The following PCDHGB3 variants were observed in gnomAD, a reference collection of about 807,000 sequenced individuals.
PCDHGB3 encodes the protein protocadherin gamma-B3.
A neutral mutation model predicts 59.2 loss-of-function variants in PCDHGB3; 40 were observed. The ratio of observed to expected loss-of-function variants is 0.68; its 90% CI spans 0.52 to 0.88. The LOEUF is 0.88. Ranked by LOEUF, PCDHGB3 falls within the 40% of genes least tolerant of loss-of-function variation. The pLI is 0.00. For synonymous variants in PCDHGB3, 581 were observed against 503.6 expected, an observed-to-expected ratio of 1.15 and a Z score of -2.06; for missense variants, 1,309 against 1,187.9, an observed-to-expected ratio of 1.10 and a Z score of -1.50.
rs758139838 is a variant in PCDHGB3, at chr5:141,431,419, G to C, written c.2415+58610G>C. The C allele has an allele frequency of 1.5e-5, 25 of 1,613,700 alleles. No individual in the cohort carries two copies. The highest frequency in any genetic ancestry group is 2.0e-5 in the Non-Finnish European group (24 of 1,180,046). On this transcript the variant is annotated intron_variant, in intron 1 of 3. Coordinates refer to ENST00000576222, the MANE Select transcript of PCDHGB3 (RefSeq NM_018924.5). This position sits in a 1 kb window ranked among gnomAD's most constrained non-coding sequence, Gnocchi z 4.8. ...TTACGGCCTCCGACGGGGGCGACCC[G>C]GTGCGCACAGGCACCGCGCGCATCC... is the stretch of plus-strand genomic sequence containing the variant.
At chr5:141,377,774 A>T (rs1279958954) in intron 1 of PCDHGB3, 1 of 152,232 alleles carries the variant, frequency 6.6e-6, no homozygotes, top group Non-Finnish European at 1.5e-5. Context: ...TTGGTGTTAA[A>T]AGACCTGAAT....
Position 141,443,643 on chromosome 5 carries a change from A to C in PCDHGB3, c.2416-51164A>C, listed in dbSNP as rs188777289. The stretch of plus-strand genomic sequence containing the variant: ...GTGATTGTAAAAATTGATCCAGATA[A>C]TGTTAGCATAGCATTTTACTGAACT... On this transcript the variant is annotated intron_variant, in intron 1 of 3. Coordinates refer to ENST00000576222, the MANE Select transcript of PCDHGB3 (RefSeq NM_018924.5). Among the ~76,000 whole-genome samples, 238 of 152,370 alleles carry C rather than the reference A, an allele frequency of 1.6e-3. 2 individuals are homozygous for C. The highest frequency in any genetic ancestry group is 2.5e-3 in the Non-Finnish European group (169 of 68,028).
chr5:141,408,846 TGGACGGA>T, intron 1 of PCDHGB3: 1 of 1,613,698 alleles, frequency 6.2e-7, no homozygotes, highest in Non-Finnish European at 8.5e-7. Flanking sequence ...TTGACTGCCT[TGGACGGA>T]GGGGACCCAC....
intron 1 of PCDHGB3, chr5:141,415,899 G>A (rs1224954481): frequency 1.2e-6 from 1 of 869,552 alleles, no homozygotes; most frequent in Non-Finnish European, 1.6e-6. Flanking sequence ...TCCTAAGACA[G>A]ACTTCCATAC....
chr5:141,505,625 C>T, intron 3 of PCDHGB3, 144 bp downstream of exon 3: 1 of 1,489,114 alleles, frequency 6.7e-7, no homozygotes, highest in Non-Finnish European at 9.0e-7. Context: ...CCCACAATTC[C>T]AAACATAAAG....
rs1323132095 is a variant in PCDHGB3, at chr5:141,371,849, C to A, written c.1455C>A (p.Gly485=). Residue 485 remains glycine (G), a synonymous_variant, in exon 1 of 4, where the codon GGC becomes GGA. Transcript: ENST00000576222. The stretch of plus-strand genomic sequence containing the variant: ...CGGATCCCGACTTGGGACCTAATGG[C>A]CTTGTCTCCTACTACATCGTGGCCA... ...RASDPDLGPN[G]LVSYYIVASD... The A allele has an allele frequency of 6.2e-7, 1 of 1,613,660 alleles. No homozygotes were observed. The highest frequency in any genetic ancestry group is 2.2e-5 in the East Asian group (1 of 44,876).
At chr5:141,505,336 G>T in intron 2 of PCDHGB3, 57 bp from the exon 3 acceptor site, 2 of 1,611,372 alleles carry the variant, frequency 1.2e-6, no homozygotes, top group Non-Finnish European at 1.7e-6. Context: ...GAGGACAGGA[G>T]GGGCATGAGC....
intron 1 of PCDHGB3, chr5:141,389,276 G>A (rs375882135): frequency 8.7e-6 from 14 of 1,613,858 alleles, no homozygotes; most frequent in Admixed American, 1.7e-5. Flanking sequence ...AGAACAACCC[G>A]CCTGGAGCCT....
At chr5:141,438,290 A>G (rs1043285243) in intron 1 of PCDHGB3, among the ~76,000 whole-genome samples, 5 of 152,074 alleles carry the variant, frequency 3.3e-5, no homozygotes, top group East Asian at 3.9e-4. Flanking sequence ...TTTAATCTGT[A>G]TGTAAAAGAA....
intron 1 of PCDHGB3, among the ~76,000 whole-genome samples, chr5:141,461,917 G>A (rs527287831): frequency 6.6e-6 from 1 of 152,098 alleles, no homozygotes; most frequent in South Asian, 2.1e-4. Flanking sequence ...TCTGCCTCCT[G>A]GGTTCCAGCA....
chr5:141,506,688 T>G (rs114532236), intron 3 of PCDHGB3, among the ~76,000 whole-genome samples: 2,113 of 152,334 alleles, frequency 0.014, 37 homozygotes, highest in African/African-American at 0.048. Flanking sequence ...TTATCTTTGC[T>G]GACCCAAACC....
At chr5:141,404,912 C>T (rs761969782) in intron 1 of PCDHGB3, 31 of 1,613,946 alleles carry the variant, frequency 1.9e-5, no homozygotes, top group Non-Finnish European at 2.5e-5. Flanking sequence ...CCAGCCCCCT[C>T]TCTCGGCCAC....
At chr5:141,464,227 T>C (rs539811399) in intron 1 of PCDHGB3, among the ~76,000 whole-genome samples, 58 of 147,282 alleles carry the variant, frequency 3.9e-4, no homozygotes, top group Admixed American at 2.5e-3. Flanking sequence ...ATTGCGCCAC[T>C]GCACTCCAGC....
chr5:141,409,279 T>C, intron 1 of PCDHGB3: 1 of 1,613,972 alleles, frequency 6.2e-7, no homozygotes, highest in Non-Finnish European at 8.5e-7. Context: ...TTTTGGAGAA[T>C]TCACCTCCAG....
chr5:141,401,458 A>T (rs1470076616), intron 1 of PCDHGB3, among the ~76,000 whole-genome samples: 1 of 152,186 alleles, frequency 6.6e-6, no homozygotes, highest in Non-Finnish European at 1.5e-5. Context: ...CATCCAAATA[A>T]TTTTCTAAGT....
intron 1 of PCDHGB3, chr5:141,403,482 A>G (rs764737675): frequency 5.0e-6 from 8 of 1,613,774 alleles, no homozygotes; most frequent in Non-Finnish European, 6.8e-6. Context: ...CCCAATCACC[A>G]CTTCTCCCTG....
In PCDHGB3 at chr5:141,431,878, C is replaced by T. The variant is rs2097425306; in HGVS notation, c.2415+59069C>T. The T allele has an allele frequency of 1.2e-6, 2 of 1,614,054 alleles. No individual in the cohort carries two copies. The highest frequency in any genetic ancestry group is 1.7e-5 in the Admixed American group (1 of 60,010). ...TAATTGCCCTTTTAAATGTAAATGACCAAGATTCTGAGGAAAACGGACAGG... is the reference window on the plus strand; with the variant it reads ...TAATTGCCCTTTTAAATGTAAATGATCAAGATTCTGAGGAAAACGGACAGG... On this transcript the variant is annotated intron_variant, in intron 1 of 3. Transcript: ENST00000576222. The surrounding 1 kb of genome is among the most constrained non-coding windows in gnomAD (Gnocchi z 4.8).
intron 1 of PCDHGB3, chr5:141,412,090 T>C (rs1008718786): frequency 3.3e-5 from 5 of 152,218 alleles, no homozygotes; most frequent in Admixed American, 2.0e-4. Flanking sequence ...ACTGGGTTGA[T>C]GGGCACACAC....
At position 141,486,045 on chromosome 5, in the gene PCDHGB3, A is replaced by G. The variant is rs2099623524; in HGVS notation, c.2416-8762A>G. The G allele has an allele frequency of 4.3e-6, 7 of 1,613,428 alleles. No individual in the cohort carries two copies. The highest frequency in any genetic ancestry group is 5.1e-6 in the Non-Finnish European group (6 of 1,179,858). ...GGTCATACCCCTGATCGTGTAAGAA[A>G]CCTCTTTAGCCTGCACCCCACTACT... On this transcript the variant is annotated intron_variant, in intron 1 of 3. Coordinates refer to ENST00000576222, the MANE Select transcript of PCDHGB3 (RefSeq NM_018924.5). This position sits in a 1 kb window ranked among gnomAD's most constrained non-coding sequence, Gnocchi z 5.0.
Sources: allele counts gnomAD v4.1 joint callset (sites outside exome capture counted in the v4.1 genomes callset), GRCh38; gene constraint gnomAD v4.1.1; non-coding constraint Gnocchi (gnomAD v3.1); transcripts MANE v1.5; gene names NCBI Gene and HGNC (gene_info 2026-07-23, HGNC 2026-07-21).